Variants in HSD17B12 observed in about 807,000 individuals in gnomAD.
HSD17B12 encodes the protein hydroxysteroid 17-beta dehydrogenase 12.
HSD17B12 carries 32 observed loss-of-function variants against 39.3 expected under a neutral mutation model. The observed-to-expected ratio is 0.81, with a 90% CI of 0.61 to 1.09. The LOEUF (loss-of-function observed/expected upper bound fraction) is 1.09. Ranked by LOEUF, HSD17B12 falls within the 50% of genes least tolerant of loss-of-function variation. The pLI, the probability that HSD17B12 is intolerant of heterozygous loss-of-function variation, is 0.00. For synonymous variants in HSD17B12, 150 were observed against 146.7 expected (o/e 1.02, Z -0.16); for missense variants, 342 against 382.9 (o/e 0.89, Z 0.89).
intron 1 of HSD17B12, among the ~76,000 whole-genome samples, chr11:43,730,903 C>T (rs944076431): frequency 6.6e-6 from 1 of 152,144 alleles, no homozygotes; most frequent in Non-Finnish European, 1.5e-5. Flanking sequence ...TTCTAAATCT[C>T]ATTTCTAAAT....
chr11:43,722,208 T>G (rs1950182219), intron 1 of HSD17B12, among the ~76,000 whole-genome samples: 1 of 152,220 alleles, frequency 6.6e-6, no homozygotes, highest in East Asian at 1.9e-4. Flanking sequence ...TTATTAACTT[T>G]GTGACCCTAC....
intron 1 of HSD17B12, among the ~76,000 whole-genome samples, chr11:43,716,243 G>A (rs542414829): frequency 6.6e-6 from 1 of 152,238 alleles, no homozygotes; most frequent in African/African-American, 2.4e-5. Flanking sequence ...ACTGCAAAAT[G>A]GAGGGACTGA....
At chr11:43,699,258 T>C (rs1190172567) in intron 1 of HSD17B12, among the ~76,000 whole-genome samples, 1 of 152,186 alleles carries the variant, frequency 6.6e-6, no homozygotes, top group Non-Finnish European at 1.5e-5. Context: ...AATACCCCAC[T>C]GTTCCCATCT....
chr11:43,845,197 T>C (rs746339571), intron 9 of HSD17B12, among the ~76,000 whole-genome samples: 14 of 152,230 alleles, frequency 9.2e-5, no homozygotes, highest in Non-Finnish European at 1.8e-4. Flanking sequence ...TCACCTAGGC[T>C]GGTCTCAAAC....
At chr11:43,778,390 GAATTCTACCAGAGGTAT>G (rs1413544209) in intron 3 of HSD17B12, among the ~76,000 whole-genome samples, 1 of 145,816 alleles carries the variant, frequency 6.9e-6, no homozygotes, top group Non-Finnish European at 1.5e-5. Flanking sequence ...ATTCACAGCC[GAATTCTACCAGAGGTAT>G]AAGGAGGAAC....
the HSD17B12 span, among the ~76,000 whole-genome samples, chr11:43,590,437 C>CAAAAAAA: frequency 1.5e-5 from 1 of 66,272 alleles, no homozygotes; most frequent in South Asian, 6.2e-4. Context: ...TTAAGTTTAG[C>CAAAAAAA]AAAAAAAAAA....
At chr11:43,666,912 G>A in the HSD17B12 span, among the ~76,000 whole-genome samples, 2 of 152,272 alleles carry the variant, frequency 1.3e-5, no homozygotes, top group South Asian at 2.1e-4. Flanking sequence ...AAATGAGGAC[G>A]AATAACCAAC....
the HSD17B12 span, among the ~76,000 whole-genome samples, chr11:43,632,180 C>T: frequency 1.1e-4 from 16 of 152,200 alleles, no homozygotes; most frequent in African/African-American, 3.9e-4. Context: ...AGGAGATAAA[C>T]AATTCAACAC....
the HSD17B12 span, among the ~76,000 whole-genome samples, chr11:43,593,408 C>CT: frequency 2.0e-5 from 3 of 152,032 alleles, no homozygotes; most frequent in Admixed American, 6.6e-5. Flanking sequence ...AATCTCAGAA[C>CT]TTTTTTTTGC....
chr11:43,769,709 G>A (rs1950631391), intron 3 of HSD17B12, among the ~76,000 whole-genome samples: 1 of 152,186 alleles, frequency 6.6e-6, no homozygotes. Context: ...GGATGCTGCT[G>A]TCACTACCCA....
At chr11:43,758,888 T>C (rs761041972) in intron 3 of HSD17B12, among the ~76,000 whole-genome samples, 3 of 152,166 alleles carry the variant, frequency 2.0e-5, no homozygotes, top group Non-Finnish European at 2.9e-5. Flanking sequence ...CCATTTCCTA[T>C]TGGGAAGGGG....
the HSD17B12 span, among the ~76,000 whole-genome samples, chr11:43,652,502 C>T: frequency 5.4e-4 from 82 of 152,212 alleles, no homozygotes; most frequent in Non-Finnish European, 9.7e-4. Context: ...ATTGAGGGCT[C>T]AGTCCCACAA....
At chr11:43,657,835 T>C in the HSD17B12 span, among the ~76,000 whole-genome samples, 1 of 152,322 alleles carries the variant, frequency 6.6e-6, no homozygotes, top group East Asian at 1.9e-4. Context: ...ACCCTTAACA[T>C]TTTTTCCTTC....
At chr11:43,755,839 A>G (rs1383631514) in intron 3 of HSD17B12, among the ~76,000 whole-genome samples, 1 of 152,190 alleles carries the variant, frequency 6.6e-6, no homozygotes, top group African/African-American at 2.4e-5. Context: ...TCTGTTTTTC[A>G]TGCTGCTGAT....
intron 3 of HSD17B12, among the ~76,000 whole-genome samples, chr11:43,779,943 T>C (rs1367272220): frequency 6.6e-6 from 1 of 152,184 alleles, no homozygotes; most frequent in East Asian, 1.9e-4. Context: ...TCATTTTTTA[T>C]CCTAATTGGC....
intron 1 of HSD17B12, among the ~76,000 whole-genome samples, chr11:43,708,551 T>C (rs1392695982): frequency 6.6e-6 from 1 of 152,222 alleles, no homozygotes; most frequent in East Asian, 1.9e-4. Flanking sequence ...TTGCTGAACA[T>C]ATAAATTTTA....
chr11:43,617,223 A>G, the HSD17B12 span, among the ~76,000 whole-genome samples: 3 of 151,972 alleles, frequency 2.0e-5, no homozygotes, highest in Non-Finnish European at 2.9e-5. Flanking sequence ...ACTCAGGGAG[A>G]TTTTTCAGTG....
intron 9 of HSD17B12, among the ~76,000 whole-genome samples, chr11:43,848,768 T>C (rs1397995230): frequency 6.6e-6 from 1 of 151,700 alleles, no homozygotes; most frequent in African/African-American, 2.4e-5. Context: ...CCAATGCTGA[T>C]TTTTTTTTCC....
At chr11:43,719,623 A>T (rs1171522374) in intron 1 of HSD17B12, among the ~76,000 whole-genome samples, 1 of 127,276 alleles carries the variant, frequency 7.9e-6, no homozygotes, top group African/African-American at 2.8e-5. Flanking sequence ...TTCAAAAAAA[A>T]AAAAATATAT....
Sources: gnomAD v4.1 joint callset for allele counts (sites outside exome capture counted in the v4.1 genomes callset) on GRCh38, gnomAD v4.1.1 for gene constraint, MANE v1.5 for transcripts, NCBI Gene and HGNC (gene_info 2026-07-23, HGNC 2026-07-21) for gene names.